Variants in DCC observed in about 807,000 individuals in gnomAD.
DCC encodes the protein DCC netrin 1 receptor.
In DCC, 58 loss-of-function variants were observed where a neutral mutation model predicts 172.5. The ratio of observed to expected loss-of-function variants is 0.34; its 90% CI spans 0.27 to 0.42. The LOEUF is 0.42. Ranked by LOEUF, DCC falls within the 10% of genes least tolerant of loss-of-function variation. DCC has a pLI of 1.00. For synonymous variants in DCC, 709 were observed against 644.5 expected (o/e 1.10, Z -1.52); for missense variants, 1,740 against 1,791.0 (o/e 0.97, Z 0.51).
chr18:52,925,366 C>A lies in DCC; in HGVS notation c.981C>A (p.Val327=), dbSNP rs147124029. 2 of 1,611,984 alleles carry A rather than the reference C, an allele frequency of 1.2e-6. No individual in the cohort carries two copies. Among genetic ancestry groups the A allele is most frequent in the African/African-American group, 2.7e-5 (2 of 74,784 alleles). The change falls in exon 5 of 29, where the codon GTC becomes GTA. Residue 327 remains valine, a synonymous_variant. Transcript: ENST00000442544. ...ENISASAELT[V]LVPPWFLNHP... is the part of the protein sequence containing the mutation. ...TTAGTGCCTCTGCAGAGCTCACAGTCTTGGGTAAGTTAGTGGCTGGAGATG... is the reference window on the plus strand; with the variant it reads ...TTAGTGCCTCTGCAGAGCTCACAGTATTGGGTAAGTTAGTGGCTGGAGATG...
rs368256859 is a variant in DCC, at chr18:52,687,328, A to G, written c.92-64726A>G. ...AGAGTAAGTCTTGCTCTTGTCCCCC[A>G]GGCTGGAGTGTGATGGTGTGGTCTC... On this transcript the variant is annotated intron_variant, in intron 1 of 28. Transcript: ENST00000442544. Among the ~76,000 whole-genome samples the G allele has an allele frequency of 1.8e-4, 24 of 135,276 alleles. No individual in the cohort carries two copies. The East Asian group carries it at 2.8e-3, about 16-fold the overall frequency. The allele number at this position is 135,276 out of a possible 152,430, so 88.7% of individuals were successfully genotyped here.
At chr18:53,143,853 G>C (rs1175260895) in intron 7 of DCC, among the ~76,000 whole-genome samples, 1 of 152,202 alleles carries the variant, frequency 6.6e-6, no homozygotes, top group African/African-American at 2.4e-5. Context: ...AGCCACAGGT[G>C]CGAGAATGAT....
At chr18:52,961,601 T>G (rs961149428) in intron 5 of DCC, among the ~76,000 whole-genome samples, 21 of 152,170 alleles carry the variant, frequency 1.4e-4, no homozygotes, top group African/African-American at 4.6e-4. Flanking sequence ...ACCACAAAGT[T>G]GGCTATGCCT....
At chr18:53,402,699 G>C in intron 18 of DCC, 87 bp from the exon 19 acceptor site, 2 of 969,374 alleles carry the variant, frequency 2.1e-6, no homozygotes, top group Non-Finnish European at 1.7e-6. Flanking sequence ...GATAGATTCT[G>C]AATGTCAACA....
chr18:52,444,388 G>GAATTTATTT (rs1178262805), intron 1 of DCC, among the ~76,000 whole-genome samples: 1 of 152,140 alleles, frequency 6.6e-6, no homozygotes, highest in Non-Finnish European at 1.5e-5. Flanking sequence ...AAAATCAGCT[G>GAATTTATTT]AATTTATTTT....
chr18:52,597,687 G>T (rs908076652), intron 1 of DCC, among the ~76,000 whole-genome samples: 1 of 152,140 alleles, frequency 6.6e-6, no homozygotes, highest in Admixed American at 6.5e-5. Flanking sequence ...AGAGGAAACT[G>T]TGCAGCTCTC....
intron 1 of DCC, among the ~76,000 whole-genome samples, chr18:52,693,785 GA>G (rs1385449010): frequency 6.6e-6 from 1 of 152,048 alleles, no homozygotes; most frequent in Non-Finnish European, 1.5e-5. Context: ...CCAATTGTCA[GA>G]GCTGAAACAA....
chr18:52,824,039 A>G (rs141714968), intron 2 of DCC, among the ~76,000 whole-genome samples: 33 of 152,150 alleles, frequency 2.2e-4, no homozygotes, highest in African/African-American at 7.7e-4. Flanking sequence ...AAAATAGATT[A>G]TTTTCTCAGA....
chr18:53,246,840 A>G (rs2056370807), intron 12 of DCC, among the ~76,000 whole-genome samples: 1 of 152,124 alleles, frequency 6.6e-6, no homozygotes, highest in African/African-American at 2.4e-5. Flanking sequence ...TTTGAACAGT[A>G]GCAGATGGAA....
At chr18:53,081,769 T>A (rs895558505) in intron 7 of DCC, among the ~76,000 whole-genome samples, 2 of 152,106 alleles carry the variant, frequency 1.3e-5, no homozygotes, top group African/African-American at 2.4e-5. Context: ...GGATGGTGAC[T>A]GTTGTGTCAG....
intron 5 of DCC, among the ~76,000 whole-genome samples, chr18:52,953,567 G>T (rs1228818075): frequency 6.6e-6 from 1 of 152,218 alleles, no homozygotes; most frequent in Non-Finnish European, 1.5e-5. Context: ...AGAACATGCA[G>T]CTTATCTATT....
At chr18:53,426,478 T>TG (rs35062925) in intron 21 of DCC, among the ~76,000 whole-genome samples, 15 of 145,046 alleles carry the variant, frequency 1.0e-4, no homozygotes, top group Middle Eastern at 3.6e-3. Context: ...ATATATATTT[T>TG]TATATATGTA....
chr18:52,992,088 C>T (rs1004844478), intron 5 of DCC, among the ~76,000 whole-genome samples: 1 of 152,270 alleles, frequency 6.6e-6, no homozygotes, highest in Non-Finnish European at 1.5e-5. Flanking sequence ...TTCTGGAAAC[C>T]AACTGACTTG....
intron 1 of DCC, among the ~76,000 whole-genome samples, chr18:52,574,899 T>C (rs2033375260): frequency 6.6e-6 from 1 of 152,118 alleles, no homozygotes; most frequent in Non-Finnish European, 1.5e-5. Flanking sequence ...ATGAAGCAAA[T>C]TTAACACCTG....
rs1275560882 is a variant in DCC at position 52,493,832 on chromosome 18, C to T, written c.91+152954C>T. Among the ~76,000 whole-genome samples, 3 of 152,026 alleles carry T rather than the reference C, an allele frequency of 2.0e-5. No individual in the cohort carries two copies. The East Asian group carries it at 5.8e-4, about 29-fold the overall frequency. On this transcript the variant is annotated intron_variant, in intron 1 of 28. Coordinates refer to ENST00000442544, the MANE Select transcript of DCC (RefSeq NM_005215.4). ...TCTGAGAATACTTTACTGCATTTAC[C>T]CTTTTTTGTCCTCTGATATGTGTTA...
intron 1 of DCC, among the ~76,000 whole-genome samples, chr18:52,628,954 C>T (rs2034624738): frequency 6.6e-6 from 1 of 152,268 alleles, no homozygotes; most frequent in Non-Finnish European, 1.5e-5. Context: ...CACCCAAATG[C>T]TGGGAAAGGA....
intron 1 of DCC, among the ~76,000 whole-genome samples, chr18:52,514,526 A>G (rs1432103891): frequency 1.3e-5 from 2 of 152,254 alleles, no homozygotes; most frequent in African/African-American, 4.8e-5. Flanking sequence ...CCTTCAGATG[A>G]CAACCAGTGG....
chr18:53,119,979 A>G (rs987996105), intron 7 of DCC, among the ~76,000 whole-genome samples: 4 of 151,828 alleles, frequency 2.6e-5, no homozygotes, highest in African/African-American at 9.7e-5. Context: ...TGATAATTCA[A>G]CTTTGTCCTA....
At chr18:52,453,981 T>A (rs1397636693) in intron 1 of DCC, among the ~76,000 whole-genome samples, 1 of 152,158 alleles carries the variant, frequency 6.6e-6, no homozygotes, top group Non-Finnish European at 1.5e-5. Flanking sequence ...GAATCACACC[T>A]AGGAAACGAC....
Sources: allele counts gnomAD v4.1 joint callset (sites outside exome capture counted in the v4.1 genomes callset), GRCh38; gene constraint gnomAD v4.1.1; transcripts MANE v1.5; gene names NCBI Gene and HGNC (gene_info 2026-07-23, HGNC 2026-07-21).